Variants in IL22RA1 observed in about 807,000 individuals in gnomAD.
IL22RA1 encodes the protein interleukin-22 receptor subunit alpha-1.
Under a neutral mutation model 32.8 loss-of-function variants are expected in IL22RA1, and 25 were observed. The ratio of observed to expected loss-of-function variants is 0.76; its 90% CI spans 0.55 to 1.06. IL22RA1 has a LOEUF of 1.06. Ranked by LOEUF, IL22RA1 falls within the 50% of genes least tolerant of loss-of-function variation. IL22RA1 has a pLI of 0.00. For synonymous variants in IL22RA1, 305 were observed against 305.0 expected (o/e 1.00, Z 0.00); for missense variants, 709 against 727.4 (o/e 0.97, Z 0.29).
chr1:24,122,779 CAG>C (rs1244583968), intron 6 of IL22RA1, among the ~76,000 whole-genome samples: 1 of 150,294 alleles, frequency 6.7e-6, no homozygotes, highest in African/African-American at 2.5e-5. Context: ...GCCTGGGTGA[CAG>C]AGGGAGACTC....
intron 4 of IL22RA1, among the ~76,000 whole-genome samples, chr1:24,133,922 A>T (rs1038418055): frequency 3.9e-5 from 6 of 151,920 alleles, no homozygotes; most frequent in African/African-American, 1.5e-4. Context: ...TAATAAAATA[A>T]AAATAAATAA....
chr1:24,126,670 G>A (rs898143059), intron 5 of IL22RA1, among the ~76,000 whole-genome samples: 3 of 152,180 alleles, frequency 2.0e-5, no homozygotes, highest in Admixed American at 2.0e-4. Context: ...TCATGAATCT[G>A]AACATGAGGA....
At chr1:24,124,031 G>C (rs2148570120) in intron 5 of IL22RA1, among the ~76,000 whole-genome samples, 1 of 152,314 alleles carries the variant, frequency 6.6e-6, no homozygotes, top group African/African-American at 2.4e-5. Context: ...GAGAGTTTCA[G>C]GGTCCCAGGT....
At chr1:24,138,984 T>C (rs1287661955) in intron 1 of IL22RA1, among the ~76,000 whole-genome samples, 2 of 152,262 alleles carry the variant, frequency 1.3e-5, no homozygotes, top group South Asian at 2.1e-4. Flanking sequence ...TCCATAAATG[T>C]CACCACCTTA....
intron 4 of IL22RA1, among the ~76,000 whole-genome samples, chr1:24,129,301 A>G (rs1644186590): frequency 1.3e-5 from 2 of 152,150 alleles, no homozygotes; most frequent in Admixed American, 1.3e-4. Context: ...GGCTGCTGTG[A>G]GCACCGATGT....
intron 6 of IL22RA1, among the ~76,000 whole-genome samples, chr1:24,121,976 C>T (rs1644127266): frequency 6.6e-6 from 1 of 152,156 alleles, no homozygotes; most frequent in South Asian, 2.1e-4. Context: ...GGAGAGAGAT[C>T]TGGGCTCTGG....
chr1:24,135,091 C>T (rs1232371451), intron 3 of IL22RA1, among the ~76,000 whole-genome samples: 1 of 152,140 alleles, frequency 6.6e-6, no homozygotes, highest in Non-Finnish European at 1.5e-5. Flanking sequence ...TTCAGTGCTG[C>T]TAATAAAATT....
intron 5 of IL22RA1, among the ~76,000 whole-genome samples, chr1:24,126,124 C>T (rs1194703983): frequency 6.6e-6 from 1 of 152,154 alleles, no homozygotes; most frequent in Non-Finnish European, 1.5e-5. Context: ...GGAAGGGGGT[C>T]ATGAATCATA....
Position 24,123,349 on chromosome 1 carries a change from G to C in IL22RA1, c.745C>G (p.Leu249Val). ...GGCTTGGTGACATATCTGTAGCTCA[G>C]GTAGCAGAGTACTGCGACGAGGAAG... The part of the protein sequence containing the change: ...MGFLVAVLCY[L>V]SYRYVTKPPA... The change falls in exon 6 of 7, where the codon CTG (leucine) becomes GTG (valine). Residue 249 changes from leucine to valine, a missense_variant. Transcript: ENST00000270800. 1 of 1,614,196 alleles carries C rather than the reference G, an allele frequency of 6.2e-7. No individual in the cohort carries two copies. The highest frequency in any genetic ancestry group is 8.5e-7 in the Non-Finnish European group (1 of 1,180,026).
chr1:24,139,674 C>G (rs1345492622), intron 1 of IL22RA1, among the ~76,000 whole-genome samples: 1 of 152,154 alleles, frequency 6.6e-6, no homozygotes, highest in Non-Finnish European at 1.5e-5. Context: ...GCTGGGACTA[C>G]AGACATGCAC....
At chr1:24,130,257 A>G (rs1644195762) in intron 4 of IL22RA1, among the ~76,000 whole-genome samples, 1 of 152,200 alleles carries the variant, frequency 6.6e-6, no homozygotes, top group Non-Finnish European at 1.5e-5. Context: ...CCTAGACAGA[A>G]ACCCTTTATT....
At chr1:24,123,484 G>A (rs1374427817) in intron 5 of IL22RA1, 61 bp from the exon 6 acceptor site, 1 of 1,579,212 alleles carries the variant, frequency 6.3e-7, no homozygotes, top group Non-Finnish European at 8.6e-7. Flanking sequence ...GGGCCCGGTT[G>A]GGTCTGGCCC....
chr1:24,137,316 G>C lies in IL22RA1; in HGVS notation c.177-7C>G. On this transcript the variant is annotated splice_polypyrimidine_tract_variant and splice_region_variant and intron_variant, in intron 2 of 6. Coordinates refer to ENST00000270800, the MANE Select transcript of IL22RA1 (RefSeq NM_021258.4). ...CCAGTCCCTCTCTCCGTACCTGCAG[G>C]TCAGGAAGGGGCCAAGTCACCGTGG... The C allele has an allele frequency of 6.2e-7, 1 of 1,612,008 alleles. No homozygotes were observed. The highest frequency in any genetic ancestry group is 1.1e-5 in the South Asian group (1 of 91,036).
intron 3 of IL22RA1, among the ~76,000 whole-genome samples, chr1:24,136,237 G>A (rs539896971): frequency 7.9e-5 from 12 of 152,316 alleles, no homozygotes; most frequent in African/African-American, 1.2e-4. Context: ...TTACAAGTGT[G>A]AGCCACCACG....
rs139839650 is a variant in IL22RA1, at chr1:24,121,498, C to A, written c.1032G>T (p.Gln344His). The change falls in exon 7 of 7, where the codon CAG becomes CAT. Residue 344 changes from glutamine (Q) to histidine (H), a missense_variant. By Grantham distance (24) the Gln-to-His change is conservative. Transcript: ENST00000270800. Reference sequence around the variant, plus strand: ...GGGCATAGGACAGTGGGGAGAGGATCTGGGGAGGTGGCACGTTGGAGGGCT... The same window carrying A: ...GGGCATAGGACAGTGGGGAGAGGATATGGGGAGGTGGCACGTTGGAGGGCT... Reference protein sequence around the residue: ...ILQPSNVPPPQILSPLSYAPN... With the variant: ...ILQPSNVPPPHILSPLSYAPN... 5 of 1,574,506 alleles carry A rather than the reference C, an allele frequency of 3.2e-6. No individual in the cohort carries two copies. In the East Asian group the frequency reaches 1.1e-4, roughly 36 times the overall value.
At chr1:24,124,519 A>C (rs1644147936) in intron 5 of IL22RA1, among the ~76,000 whole-genome samples, 1 of 152,104 alleles carries the variant, frequency 6.6e-6, no homozygotes, top group Non-Finnish European at 1.5e-5. Flanking sequence ...AGGTTGTTGG[A>C]GTTTTTGGTA....
At chr1:24,138,494 A>G (rs1277200614) in intron 2 of IL22RA1, 88 bp downstream of exon 2, 3 of 1,444,670 alleles carry the variant, frequency 2.1e-6, no homozygotes, top group Non-Finnish European at 2.9e-6. Context: ...TGGTGGGGAC[A>G]TGGGAACATA....
At chr1:24,138,517 G>T in intron 2 of IL22RA1, 65 bp downstream of exon 2, 4 of 1,581,810 alleles carry the variant, frequency 2.5e-6, no homozygotes, top group Non-Finnish European at 3.5e-6. Context: ...GAGAGGAGGG[G>T]AATTCCTTGG....
chr1:24,122,988 C>T (rs1324811424), intron 6 of IL22RA1, among the ~76,000 whole-genome samples: 1 of 152,198 alleles, frequency 6.6e-6, no homozygotes. Context: ...TCCTGGCGCC[C>T]ACCATTCCTC....
Sources: allele counts gnomAD v4.1 joint callset (sites outside exome capture counted in the v4.1 genomes callset), GRCh38; gene constraint gnomAD v4.1.1; transcripts MANE v1.5; gene names NCBI Gene and HGNC (gene_info 2026-07-23, HGNC 2026-07-21).